Variants in JARID2 observed in about 807,000 individuals in gnomAD.
JARID2 encodes the protein jumonji and AT-rich interaction domain containing 2.
Under a neutral mutation model 125.6 loss-of-function variants are expected in JARID2, and 21 were observed. The observed-to-expected ratio is 0.17, with a 90% CI of 0.12 to 0.24. JARID2 has a LOEUF of 0.24. Ranked by LOEUF, JARID2 falls within the 10% of genes least tolerant of loss-of-function variation. JARID2 has a pLI of 1.00. For missense variants in JARID2, 1,303 were observed against 1,639.6 expected, an observed-to-expected ratio of 0.79 and a Z score of 3.55; for synonymous variants, 736 against 661.6, an observed-to-expected ratio of 1.11 and a Z score of -1.73.
intron 14 of JARID2, 97 bp downstream of exon 14, chr6:15,512,487 T>A: frequency 9.0e-7 from 1 of 1,115,864 alleles, no homozygotes; most frequent in South Asian, 1.4e-5. Flanking sequence ...TGCGTGTCTA[T>A]TTGTCAATAG....
intron 1 of JARID2, among the ~76,000 whole-genome samples, chr6:15,344,859 CAA>C (rs960786724): frequency 3.3e-5 from 5 of 151,856 alleles, no homozygotes; most frequent in Non-Finnish European, 2.9e-5. Context: ...ATAAAAATAT[CAA>C]AAAACGTTTT....
chr6:15,411,826 C>T (rs62395389), intron 3 of JARID2, among the ~76,000 whole-genome samples: 68 of 152,314 alleles, frequency 4.5e-4, no homozygotes, highest in Non-Finnish European at 7.5e-4. Flanking sequence ...AGCTATGTGG[C>T]TGGCCATCAC....
chr6:15,271,464 T>C (rs1760292956), intron 1 of JARID2, among the ~76,000 whole-genome samples: 1 of 152,198 alleles, frequency 6.6e-6, no homozygotes, highest in Non-Finnish European at 1.5e-5. Flanking sequence ...CATCGAAGGG[T>C]AGGGTTCCCA....
At chr6:15,286,440 C>T (rs951500630) in intron 1 of JARID2, among the ~76,000 whole-genome samples, 1 of 151,410 alleles carries the variant, frequency 6.6e-6, no homozygotes, top group African/African-American at 2.4e-5. Flanking sequence ...TTACTAGAGA[C>T]GGGGTTTCAC....
intron 2 of JARID2, among the ~76,000 whole-genome samples, chr6:15,375,400 G>A (rs2127517852): frequency 6.6e-6 from 1 of 152,264 alleles, no homozygotes; most frequent in Non-Finnish European, 1.5e-5. Context: ...CAACCATTAA[G>A]GCCATAGTGG....
intron 1 of JARID2, among the ~76,000 whole-genome samples, chr6:15,315,500 AG>A (rs1368967472): frequency 2.6e-5 from 4 of 152,218 alleles, no homozygotes; most frequent in African/African-American, 9.6e-5. Context: ...AGTACACCAT[AG>A]GGTCAAGTGC....
At chr6:15,422,330 C>T (rs1287455513) in intron 3 of JARID2, among the ~76,000 whole-genome samples, 3 of 152,210 alleles carry the variant, frequency 2.0e-5, no homozygotes, top group African/African-American at 7.2e-5. Context: ...CTTGCTTGTG[C>T]ATATTCACCT....
At chr6:15,406,329 G>T (rs1308427810) in intron 2 of JARID2, among the ~76,000 whole-genome samples, 1 of 152,298 alleles carries the variant, frequency 6.6e-6, no homozygotes, top group South Asian at 2.1e-4. Context: ...AGCTACTCAG[G>T]AGGCTGAGGC....
intron 3 of JARID2, among the ~76,000 whole-genome samples, chr6:15,442,720 A>G (rs950682627): frequency 2.6e-5 from 4 of 152,208 alleles, no homozygotes; most frequent in Admixed American, 6.5e-5. Flanking sequence ...TTAATTGTTG[A>G]TTAATGATGA....
At chr6:15,405,611 CCATT>C (rs1304183477) in intron 2 of JARID2, among the ~76,000 whole-genome samples, 1 of 152,096 alleles carries the variant, frequency 6.6e-6, no homozygotes, top group African/African-American at 2.4e-5. Context: ...ACTCTTTGGG[CCATT>C]CATTCAATTT....
chr6:15,286,340 C>T (rs1760998342), intron 1 of JARID2, among the ~76,000 whole-genome samples: 1 of 149,668 alleles, frequency 6.7e-6, no homozygotes, highest in Admixed American at 6.7e-5. Context: ...GCAACCTCTG[C>T]TTCCCGGATT....
intron 1 of JARID2, among the ~76,000 whole-genome samples, chr6:15,267,192 A>G (rs1052411142): frequency 3.9e-5 from 6 of 152,188 alleles, no homozygotes; most frequent in South Asian, 2.1e-4. Flanking sequence ...ACAGTGTCCA[A>G]AGAGACCCTG....
At chr6:15,324,010 G>A (rs1762447649) in intron 1 of JARID2, among the ~76,000 whole-genome samples, 1 of 149,608 alleles carries the variant, frequency 6.7e-6, no homozygotes. Flanking sequence ...GTGAAACCCT[G>A]TCTCTACTAA....
chr6:15,336,561 A>C (rs1329107273), intron 1 of JARID2, among the ~76,000 whole-genome samples: 1 of 152,080 alleles, frequency 6.6e-6, no homozygotes, highest in South Asian at 2.1e-4. Flanking sequence ...AATGTTCCCC[A>C]ATGTTGAACA....
At chr6:15,510,623 T>G (rs1201971429) in intron 12 of JARID2, among the ~76,000 whole-genome samples, 1 of 152,228 alleles carries the variant, frequency 6.6e-6, no homozygotes, top group Non-Finnish European at 1.5e-5. Flanking sequence ...CCTGTGTGTC[T>G]TGCTGTATGT....
At chr6:15,356,043 T>G (rs1437116966) in intron 1 of JARID2, among the ~76,000 whole-genome samples, 10 of 152,208 alleles carry the variant, frequency 6.6e-5, no homozygotes, top group Admixed American at 6.5e-4. Flanking sequence ...GGTTGGCCTA[T>G]TCTGGAGACT....
chr6:15,356,155 G>A (rs964598098), intron 1 of JARID2, among the ~76,000 whole-genome samples: 2 of 152,022 alleles, frequency 1.3e-5, no homozygotes, highest in Non-Finnish European at 1.5e-5. Context: ...TCTTTTTTAC[G>A]GCTGAATATC....
intron 1 of JARID2, among the ~76,000 whole-genome samples, chr6:15,366,509 C>CGGGGGG (rs1217236890): frequency 2.1e-4 from 1 of 4,864 alleles, no homozygotes; most frequent in Non-Finnish European, 7.3e-4. Flanking sequence ...GGGTGGGGGG[C>CGGGGGG]GGGGGGGGCG....
intron 2 of JARID2, among the ~76,000 whole-genome samples, chr6:15,376,436 C>A (rs554144273): frequency 2.6e-5 from 4 of 152,274 alleles, no homozygotes; most frequent in African/African-American, 9.6e-5. Context: ...CATTATTTTG[C>A]TTGGTGCGGT....
Sources: allele counts gnomAD v4.1 joint callset (sites outside exome capture counted in the v4.1 genomes callset), GRCh38; gene constraint gnomAD v4.1.1; transcripts MANE v1.5; gene names NCBI Gene and HGNC (gene_info 2026-07-23, HGNC 2026-07-21).